Variants in CDH13 observed in about 807,000 individuals in gnomAD.
CDH13 encodes the protein cadherin-13.
CDH13 carries 24 observed loss-of-function variants against 63.8 expected under a neutral mutation model. The observed-to-expected ratio is 0.38, with a 90% CI of 0.27 to 0.53. The LOEUF is 0.53. Among genes scored for constraint, CDH13 ranks in the 20% least tolerant of loss-of-function variants. The pLI is 0.85. For missense variants in CDH13, 1,049 were observed against 903.1 expected (o/e 1.16, Z -2.07); for synonymous variants, 503 against 355.3 (o/e 1.42, Z -4.67).
chr16:83,068,394 CTG>C (rs1448639547), intron 3 of CDH13, among the ~76,000 whole-genome samples: 1 of 152,156 alleles, frequency 6.6e-6, no homozygotes, highest in Non-Finnish European at 1.5e-5. Context: ...TCCCAAGACT[CTG>C]TAACTTTGGA....
rs143885931 is a variant in CDH13, at chr16:83,670,518, GTTC to G, written c.1102-269_1102-267del. Reference sequence around the variant, plus strand: ...AAAAGCACAGAGAGGAGGCACAGCTGTTCTTTTCACCCTCCCACCACAGAGCAG... The same window carrying G: ...AAAAGCACAGAGAGGAGGCACAGCTGTTTTCACCCTCCCACCACAGAGCAG... On this transcript the variant is annotated intron_variant, in intron 8 of 13. Coordinates refer to ENST00000567109, the MANE Select transcript of CDH13 (RefSeq NM_001257.5). 3.6e-3 allele frequency among the ~76,000 whole-genome samples: 543 copies of G among 152,268 alleles called. 3 individuals carry two copies. The highest frequency in any genetic ancestry group is 0.012 in the African/African-American group (518 of 41,550).
At chr16:83,702,240 T>C (rs1402118791) in intron 10 of CDH13, among the ~76,000 whole-genome samples, 1 of 152,198 alleles carries the variant, frequency 6.6e-6, no homozygotes, top group Non-Finnish European at 1.5e-5. Context: ...TATTTTGTAA[T>C]TGCTCATGAG....
At chr16:82,772,335 G>A (rs1054982060) in intron 1 of CDH13, among the ~76,000 whole-genome samples, 6 of 152,270 alleles carry the variant, frequency 3.9e-5, no homozygotes, top group African/African-American at 1.4e-4. Flanking sequence ...GCACTAAAAT[G>A]GCAAAGAAAA....
rs930559001 is a variant in CDH13, at chr16:83,047,247, T to TTA, written c.366+15031_366+15032dup. ...TCCAGAGGCCTGTGTATTTATTTAT[T>TTA]TATTTATTTTTTTGGTAAAGGCCTC... On this transcript the variant is annotated intron_variant, in intron 3 of 13. Transcript: ENST00000567109. The surrounding 1 kb of genome is among the most constrained non-coding windows in gnomAD (Gnocchi z 4.9). 1.3e-5 allele frequency among the ~76,000 whole-genome samples: 2 copies of TTA among 152,120 alleles called. No individual in the cohort carries two copies. The highest frequency in any genetic ancestry group is 2.9e-5 in the Non-Finnish European group (2 of 68,012).
chr16:82,977,937 C>G (rs563794961), intron 2 of CDH13, among the ~76,000 whole-genome samples: 166 of 152,230 alleles, frequency 1.1e-3, no homozygotes, highest in African/African-American at 3.9e-3. Flanking sequence ...GACCAAAATG[C>G]TGATAGTGAT....
At chr16:83,423,337 T>C (rs2071773570) in intron 6 of CDH13, among the ~76,000 whole-genome samples, 1 of 152,106 alleles carries the variant, frequency 6.6e-6, no homozygotes, top group South Asian at 2.1e-4. Context: ...CTTCAGAAAA[T>C]TCAAAGAAGA....
intron 1 of CDH13, among the ~76,000 whole-genome samples, chr16:82,769,496 T>TA (rs1567515457): frequency 6.6e-6 from 1 of 152,222 alleles, no homozygotes; most frequent in Non-Finnish European, 1.5e-5. Flanking sequence ...TCTGTCTTTA[T>TA]GGAGGCCACG....
intron 10 of CDH13, among the ~76,000 whole-genome samples, chr16:83,713,222 G>A (rs1567541183): frequency 6.6e-6 from 1 of 152,166 alleles, no homozygotes; most frequent in Non-Finnish European, 1.5e-5. Context: ...TCCGTCTAAC[G>A]GGCTGGGGTC....
At position 83,340,087 on chromosome 16, in the gene CDH13, A is replaced by G. The variant is rs144254104; in HGVS notation, c.637-4775A>G. Among the ~76,000 whole-genome samples, 468 of 152,308 alleles carry G rather than the reference A, an allele frequency of 3.1e-3. 4 individuals carry two copies. The highest frequency in any genetic ancestry group is 0.01 in the African/African-American group (436 of 41,562). On this transcript the variant is annotated intron_variant, in intron 5 of 13. Transcript: ENST00000567109. ...TCTCCATTATACTTTGTTTTCTGCA[A>G]TGTTTCACTTTTCAATTAATAACCA...
rs142383375 is a variant in CDH13 at position 82,679,212 on chromosome 16, TC to T, written c.45+52077del. On this transcript the variant is annotated intron_variant, in intron 1 of 13. Transcript: ENST00000567109. ...TTCCATTGTAAGGAGTCTGAGAAGC[TC>T]CAAGGAAGAATGCAGAAATACGGGG... Among the ~76,000 whole-genome samples, 395 of 152,226 alleles carry T rather than the reference TC, an allele frequency of 2.6e-3. 1 individual carries two copies. The highest frequency in any genetic ancestry group is 9.2e-3 in the African/African-American group (382 of 41,522).
At chr16:83,570,673 A>T (rs1354731678) in intron 7 of CDH13, among the ~76,000 whole-genome samples, 2 of 146,984 alleles carry the variant, frequency 1.4e-5, no homozygotes, top group African/African-American at 5.0e-5. Context: ...TCATCCTTTT[A>T]TATATATAAA....
At chr16:83,763,417 A>G (rs1384029534) in intron 11 of CDH13, among the ~76,000 whole-genome samples, 1 of 152,056 alleles carries the variant, frequency 6.6e-6, no homozygotes, top group Non-Finnish European at 1.5e-5. Context: ...GATTTTTTTT[A>G]AAAATTGTTA....
intron 1 of CDH13, among the ~76,000 whole-genome samples, chr16:82,671,505 C>T (rs914198238): frequency 3.3e-5 from 5 of 152,228 alleles, no homozygotes; most frequent in African/African-American, 7.2e-5. Context: ...TTTAAGAAAA[C>T]GATTACACCT....
At chr16:83,629,024 T>C (rs1395943726) in intron 8 of CDH13, among the ~76,000 whole-genome samples, 1 of 152,212 alleles carries the variant, frequency 6.6e-6, no homozygotes, top group Non-Finnish European at 1.5e-5. Flanking sequence ...TCATGGTAAC[T>C]GGTAATTGCT....
At chr16:83,791,255 C>T (rs555580369) in intron 13 of CDH13, among the ~76,000 whole-genome samples, 3 of 152,178 alleles carry the variant, frequency 2.0e-5, no homozygotes, top group Admixed American at 6.5e-5. Context: ...CCAACACTTT[C>T]GGAAGCCTAG....
intron 2 of CDH13, among the ~76,000 whole-genome samples, chr16:82,963,482 G>A (rs912996498): frequency 3.9e-5 from 6 of 152,104 alleles, no homozygotes; most frequent in South Asian, 2.1e-4. Flanking sequence ...TGGTTTCACC[G>A]TATCACATCC....
At chr16:83,098,421 T>G (rs149227671) in intron 3 of CDH13, among the ~76,000 whole-genome samples, 1 of 152,322 alleles carries the variant, frequency 6.6e-6, no homozygotes, top group African/African-American at 2.4e-5. Context: ...GGCATATTTT[T>G]CCACATATAC....
intron 8 of CDH13, among the ~76,000 whole-genome samples, chr16:83,611,527 G>T (rs767042373): frequency 6.6e-6 from 1 of 151,312 alleles, no homozygotes; most frequent in African/African-American, 2.4e-5. Context: ...TCTCTATTGG[G>T]TGTTTCTTTG....
intron 2 of CDH13, among the ~76,000 whole-genome samples, chr16:82,936,028 A>G (rs1301267624): frequency 6.6e-6 from 1 of 152,164 alleles, no homozygotes; most frequent in Non-Finnish European, 1.5e-5. Context: ...GGGCATGGGC[A>G]AGGCTGGTCA....
Sources: gnomAD v4.1 joint callset for allele counts (sites outside exome capture counted in the v4.1 genomes callset) on GRCh38, gnomAD v4.1.1 for gene constraint, Gnocchi (gnomAD v3.1) non-coding constraint, MANE v1.5 for transcripts, NCBI Gene and HGNC (gene_info 2026-07-23, HGNC 2026-07-21) for gene names.